BAZ2B: variants seen among roughly 807,000 people sequenced by gnomAD.
BAZ2B encodes bromodomain adjacent to zinc finger domain 2B, also known as bromodomain adjacent to zinc finger domain protein 2B.
In BAZ2B, 91 loss-of-function variants were observed where a neutral mutation model predicts 246.0. The observed-to-expected ratio is 0.37, with a 90% confidence interval of 0.31 to 0.44. BAZ2B has a LOEUF of 0.44. Among genes scored for constraint, BAZ2B ranks in the 20% least tolerant of loss-of-function variants. BAZ2B has a pLI of 1.00. For missense variants in BAZ2B, 2,332 were observed against 2,533.7 expected (o/e 0.92, Z 1.71); for synonymous variants, 855 against 860.0 (o/e 0.99, Z 0.10).
chr2:159,694,499 T>C, the BAZ2B span: 1 of 152,268 alleles, frequency 6.6e-6, no homozygotes, highest in South Asian at 2.1e-4. Context: ...ACCTCTTGCT[T>C]TTCCCAGTAC....
intron 1 of BAZ2B, among the ~76,000 whole-genome samples, chr2:159,556,407 A>G (rs1451529970): frequency 7.1e-6 from 1 of 140,170 alleles, no homozygotes; most frequent in Non-Finnish European, 1.5e-5. Flanking sequence ...GGAAAAAACT[A>G]TTTCCTAAAC....
chr2:159,391,522 TG>T (rs1312535779), intron 20 of BAZ2B, among the ~76,000 whole-genome samples: 1 of 152,160 alleles, frequency 6.6e-6, no homozygotes, highest in Non-Finnish European at 1.5e-5. Flanking sequence ...TTGTTAAAAA[TG>T]GTTGCTATTA....
In BAZ2B at chr2:159,531,884, CA is replaced by C. The variant is rs1166536871; in HGVS notation, c.-3+23938del. Among the ~76,000 whole-genome samples, 9 of 152,258 alleles carry C rather than the reference CA, an allele frequency of 5.9e-5. No individual in the cohort carries two copies. In the South Asian group the frequency reaches 1.9e-3, roughly 32 times the overall value. On this transcript the variant is annotated intron_variant, in intron 2 of 36. Transcript: ENST00000392783. ...TACCATTTTTATTCATGCTAACTTG[CA>C]AAAGAATTTTAAAGTGTATATATTC...
At chr2:159,603,736 C>A (rs1559884051) in intron 1 of BAZ2B, among the ~76,000 whole-genome samples, 1 of 151,816 alleles carries the variant, frequency 6.6e-6, no homozygotes, top group Non-Finnish European at 1.5e-5. Flanking sequence ...TTAATCCAAA[C>A]CACTCCACTG....
In BAZ2B at chr2:159,386,546, C is replaced by G; in HGVS notation, c.3278G>C (p.Cys1093Ser). 6.2e-7 allele frequency: 1 copy of G among 1,613,458 alleles called. No homozygotes were observed. Among genetic ancestry groups the G allele is most frequent in the South Asian group, 1.1e-5 (1 of 91,054 alleles). The stretch of plus-strand genomic sequence containing the variant: ...TCGTAAGAACTGCACCACCATGAGA[C>G]AGTCTGAAAATGTACTTCCAGAGAG... ...LVLSGSTFSD[C>S]LMVVQFLRNF... The change falls in exon 22 of 37, where the codon TGT (cysteine) becomes TCT (serine). Residue 1093 changes from cysteine (C) to serine (S), a missense_variant. Physicochemically the swap from Cys to Ser is moderately radical, Grantham distance 112 (BLOSUM62 -1). Transcript: ENST00000392783.
upstream of BAZ2B, among the ~76,000 whole-genome samples, chr2:159,620,988 G>A (rs910767116): frequency 6.6e-6 from 1 of 152,176 alleles, no homozygotes. Flanking sequence ...TGGCATTGGA[G>A]ATTTACAGCC....
intron 32 of BAZ2B, 169 bp downstream of exon 32, chr2:159,337,398 T>G (rs994421120): frequency 7.0e-7 from 1 of 1,434,370 alleles, no homozygotes; most frequent in African/African-American, 1.4e-5. Flanking sequence ...TAACAGGCAA[T>G]AGAAAATAGG....
At chr2:159,685,171 G>A in the BAZ2B span, among the ~76,000 whole-genome samples, 868 of 152,162 alleles carry the variant, frequency 5.7e-3, 1 homozygote, top group Non-Finnish European at 8.6e-3. Context: ...AACATGACAA[G>A]GTGTTTCCAC....
chr2:159,380,574 G>C (rs1364449829), intron 25 of BAZ2B, among the ~76,000 whole-genome samples: 1 of 152,160 alleles, frequency 6.6e-6, no homozygotes, highest in Non-Finnish European at 1.5e-5. Context: ...GTTGGTCCTT[G>C]GCCTGGCATA....
At chr2:159,534,637 T>C (rs1449662521) in intron 2 of BAZ2B, among the ~76,000 whole-genome samples, 1 of 152,048 alleles carries the variant, frequency 6.6e-6, no homozygotes, top group Non-Finnish European at 1.5e-5. Context: ...CTTCTTTTTT[T>C]TTTTTTTCTG....
chr2:159,642,488 C>G, the BAZ2B span, among the ~76,000 whole-genome samples: 52 of 152,108 alleles, frequency 3.4e-4, no homozygotes, highest in Admixed American at 7.9e-4. Flanking sequence ...ATCCACCCGC[C>G]TCGGCCTCCC....
rs2062116198 is a variant in BAZ2B, at chr2:159,382,547, A to G, written c.4005+12T>C. On this transcript the variant is annotated intron_variant, in intron 25 of 36. Transcript: ENST00000392783. ...GTTCTAGTTGTCTTAAAATCAACCT[A>G]AATTTCATTACCTCATCTTCACAGA... is the stretch of plus-strand genomic sequence containing the variant. 1 of 1,546,756 alleles carries G rather than the reference A, an allele frequency of 6.5e-7. No individual in the cohort carries two copies. The highest frequency in any genetic ancestry group is 8.7e-7 in the Non-Finnish European group (1 of 1,145,822).
chr2:159,532,958 A>C (rs1053266390), intron 2 of BAZ2B, among the ~76,000 whole-genome samples: 2 of 152,214 alleles, frequency 1.3e-5, no homozygotes, highest in African/African-American at 4.8e-5. Context: ...GGTGCGAAAA[A>C]CAAAATCATG....
intron 3 of BAZ2B, chr2:159,458,772 C>T (rs930270421): frequency 1.3e-5 from 2 of 152,078 alleles, no homozygotes; most frequent in Non-Finnish European, 2.9e-5. Context: ...GTAAAAGATT[C>T]CTAAAGATTT....
the BAZ2B span, among the ~76,000 whole-genome samples, chr2:159,671,656 A>G: frequency 6.6e-6 from 1 of 152,182 alleles, no homozygotes; most frequent in Admixed American, 6.5e-5. Flanking sequence ...AATACTCAGT[A>G]TATTAGTCAA....
In BAZ2B at chr2:159,425,245, A is replaced by C. The variant is rs1196600138; in HGVS notation, c.2466+2696T>G. ...GCCCAGGCTGGAGTGCAGTGGCCTG[A>C]TCTCGGCTCACTGCAACCTCCACCT... is the stretch of plus-strand genomic sequence containing the variant. On this transcript the variant is annotated intron_variant, in intron 13 of 36. Transcript: ENST00000392783. Among the ~76,000 whole-genome samples the C allele has an allele frequency of 2.0e-5, 3 of 152,160 alleles. No individual in the cohort carries two copies. In the East Asian group the frequency reaches 5.8e-4, roughly 29 times the overall value.
At chr2:159,514,324 A>C (rs2083229334) in intron 2 of BAZ2B, among the ~76,000 whole-genome samples, 1 of 152,132 alleles carries the variant, frequency 6.6e-6, no homozygotes, top group Non-Finnish European at 1.5e-5. Flanking sequence ...CCTTTGCGTC[A>C]CCTTTAGCAT....
the BAZ2B span, among the ~76,000 whole-genome samples, chr2:159,675,170 G>C: frequency 5.5e-4 from 83 of 152,074 alleles, no homozygotes; most frequent in Non-Finnish European, 9.6e-4. Flanking sequence ...GGGAAGCCTG[G>C]GTGGGAGAAT....
chr2:159,423,772 C>T (rs978076415), intron 13 of BAZ2B, among the ~76,000 whole-genome samples: 1 of 152,206 alleles, frequency 6.6e-6, no homozygotes, highest in Non-Finnish European at 1.5e-5. Flanking sequence ...GAACAGAAAA[C>T]TAAATATCAC....
Sources: allele counts gnomAD v4.1 joint callset (sites outside exome capture counted in the v4.1 genomes callset), GRCh38; gene constraint gnomAD v4.1.1; transcripts MANE v1.5; gene names NCBI Gene and HGNC (gene_info 2026-07-23, HGNC 2026-07-21).